Variants in SH3D19 observed in about 807,000 individuals in gnomAD.
SH3D19 encodes SH3 domain containing 19, also known as SH3 domain-containing protein 19.
SH3D19 carries 58 observed loss-of-function variants against 112.1 expected under a neutral mutation model. The observed-to-expected ratio is 0.52, with a 90% CI of 0.42 to 0.64. SH3D19 has a LOEUF of 0.64. Among genes scored for constraint, SH3D19 ranks in the 30% least tolerant of loss-of-function variants. The pLI is 0.00. For missense variants in SH3D19, 1,090 were observed against 1,263.4 expected (o/e 0.86, Z 2.08); for synonymous variants, 391 against 448.5 (o/e 0.87, Z 1.62).
At chr4:151,177,074 A>G (rs922651594) in intron 4 of SH3D19, 119 bp from the exon 5 acceptor site, 6 of 861,940 alleles carry the variant, frequency 7.0e-6, no homozygotes, top group Non-Finnish European at 7.7e-6. Flanking sequence ...GAACTAACAC[A>G]GTCACAGAAA....
intron 1 of SH3D19, among the ~76,000 whole-genome samples, chr4:151,268,483 C>T (rs1299736373): frequency 1.3e-5 from 2 of 151,490 alleles, no homozygotes; most frequent in Non-Finnish European, 2.9e-5. Flanking sequence ...GGTACATGTG[C>T]ACAATGTGCA....
chr4:151,287,880 C>CT (rs917358447), intron 1 of SH3D19, among the ~76,000 whole-genome samples: 2 of 152,032 alleles, frequency 1.3e-5, no homozygotes, highest in African/African-American at 4.8e-5. Context: ...ACCCCTCTCT[C>CT]TTTTTTTATT....
chr4:151,260,992 T>C (rs1478778672), intron 1 of SH3D19: 1 of 152,194 alleles, frequency 6.6e-6, no homozygotes, highest in Non-Finnish European at 1.5e-5. Flanking sequence ...TTATCACAAT[T>C]TTAAATTTTG....
intron 9 of SH3D19, 94 bp from the exon 10 acceptor site, chr4:151,149,655 A>C: frequency 9.4e-7 from 1 of 1,067,898 alleles, no homozygotes; most frequent in Non-Finnish European, 1.4e-6. Context: ...TGGATCTACA[A>C]GTAGAAATGC....
At chr4:151,313,829 G>A (rs1027445200) in intron 1 of SH3D19, among the ~76,000 whole-genome samples, 1 of 152,168 alleles carries the variant, frequency 6.6e-6, no homozygotes, top group Non-Finnish European at 1.5e-5. Context: ...GAAACAAAGG[G>A]TGTGGTAGCA....
rs902059128 is a variant in SH3D19, at chr4:151,148,288, C to CACACACAG, written c.1818-103_1818-102insCTGTGTGT. 1.9e-5 allele frequency: 16 copies of CACACACAG among 824,190 alleles called. No individual in the cohort carries two copies. The African/African-American group carries it at 2.5e-4, about 13-fold the overall frequency. The allele number at this position is 824,190 out of a possible 1,614,324, so 51.1% of individuals were successfully genotyped here. A position where few individuals can be genotyped will look rare whatever the true frequency, so the allele number is the denominator to read the frequency against. ...ACACACACACACACACACACACACA[C>CACACACAG]AGAGACACAGCTTTCTGCTAGTGGA... On this transcript the variant is annotated intron_variant, in intron 10 of 19. Transcript: ENST00000604030.
chr4:151,207,891 A>C (rs1765344688), intron 2 of SH3D19, among the ~76,000 whole-genome samples: 1 of 152,220 alleles, frequency 6.6e-6, no homozygotes, highest in Non-Finnish European at 1.5e-5. Context: ...TGTCAGAAAG[A>C]ACTTCTGGGT....
intron 1 of SH3D19, among the ~76,000 whole-genome samples, chr4:151,226,888 T>C (rs1030813147): frequency 2.0e-5 from 3 of 152,180 alleles, no homozygotes; most frequent in African/African-American, 4.8e-5. Context: ...GAGACTATCA[T>C]ATACAAGAGA....
chr4:151,167,852 C>T (rs1758353528), intron 7 of SH3D19, among the ~76,000 whole-genome samples: 1 of 150,846 alleles, frequency 6.6e-6, no homozygotes, highest in Admixed American at 6.6e-5. Flanking sequence ...GCCGCCCCAC[C>T]GTCTGGGAAG....
At chr4:151,144,239 G>T in intron 11 of SH3D19, 189 bp from the exon 12 acceptor site, 1 of 1,614,048 alleles carries the variant, frequency 6.2e-7, no homozygotes, top group Non-Finnish European at 8.5e-7. Flanking sequence ...GAGTTCTCCG[G>T]GGTTTTGAGA....
intron 1 of SH3D19, chr4:151,277,274 AAG>A: frequency 7.2e-7 from 1 of 1,395,230 alleles, no homozygotes; most frequent in Non-Finnish European, 9.6e-7. Flanking sequence ...ATTTTTACTA[AAG>A]AGGGCATCAC....
chr4:151,234,627 GA>G (rs1769866774), intron 1 of SH3D19, among the ~76,000 whole-genome samples: 1 of 151,882 alleles, frequency 6.6e-6, no homozygotes, highest in Non-Finnish European at 1.5e-5. Flanking sequence ...GTGATTTAAG[GA>G]GGTATAAAAA....
rs897855712 is a variant in SH3D19 at position 151,171,948 on chromosome 4, T to C, written c.1534+2722A>G. Among the ~76,000 whole-genome samples, 3 of 152,360 alleles carry C rather than the reference T, an allele frequency of 2.0e-5. No homozygotes were observed. In the East Asian group the frequency reaches 5.8e-4, roughly 29 times the overall value. The stretch of plus-strand genomic sequence containing the variant: ...TATTAAATTGCCTGTTTTATGAGTT[T>C]TTATTTAATAATTTTTCTAATCTTT... On this transcript the variant is annotated intron_variant, in intron 7 of 19. Coordinates refer to ENST00000604030, the MANE Select transcript of SH3D19 (RefSeq NM_001378122.1).
chr4:151,247,150 T>G (rs1771003443), intron 1 of SH3D19, among the ~76,000 whole-genome samples: 1 of 152,218 alleles, frequency 6.6e-6, no homozygotes, highest in Non-Finnish European at 1.5e-5. Flanking sequence ...TTATAATTTT[T>G]CTCTCAGATT....
chr4:151,169,493 C>T (rs1353053979), intron 7 of SH3D19, among the ~76,000 whole-genome samples: 1 of 152,154 alleles, frequency 6.6e-6, no homozygotes, highest in Non-Finnish European at 1.5e-5. Context: ...GGAGGATAAA[C>T]AGCATCACTT....
intron 2 of SH3D19, among the ~76,000 whole-genome samples, chr4:151,210,932 T>G (rs998781784): frequency 6.6e-6 from 1 of 152,124 alleles, no homozygotes; most frequent in African/African-American, 2.4e-5. Context: ...GGCTGGAGTA[T>G]AGATCATAGT....
intron 3 of SH3D19, among the ~76,000 whole-genome samples, chr4:151,185,022 A>G (rs1223073039): frequency 7.0e-6 from 1 of 142,464 alleles, no homozygotes; most frequent in Non-Finnish European, 1.5e-5. Context: ...TTTGACCTCT[A>G]AAACACAGCT....
chr4:151,310,786 G>A (rs980467646), intron 1 of SH3D19, among the ~76,000 whole-genome samples: 5 of 151,316 alleles, frequency 3.3e-5, no homozygotes, highest in African/African-American at 1.2e-4. Context: ...TGACCAGGCT[G>A]GTCTCGAACT....
At position 151,176,528 on chromosome 4, in the gene SH3D19, C is replaced by T. The variant is rs963084404; in HGVS notation, c.529+6G>A. 3 of 1,232,116 alleles carry T rather than the reference C, an allele frequency of 2.4e-6. No homozygotes were observed. Among genetic ancestry groups the T allele is most frequent in the Non-Finnish European group, 2.0e-6 (2 of 987,924 alleles). The allele number at this position is 1,232,116 out of a possible 1,614,324, so 76.3% of individuals were successfully genotyped here. ...AGAATTAGGGAAGACAAATTACTTG[C>T]ATTACTTTGAGGCAGATCGTTGTCT... On this transcript the variant is annotated splice_donor_region_variant and intron_variant, in intron 6 of 19. Transcript: ENST00000604030.
Sources: allele counts gnomAD v4.1 joint callset (sites outside exome capture counted in the v4.1 genomes callset), GRCh38; gene constraint gnomAD v4.1.1; transcripts MANE v1.5; gene names NCBI Gene and HGNC (gene_info 2026-07-23, HGNC 2026-07-21).